USP48: variants seen among roughly 807,000 people sequenced by gnomAD.
USP48 encodes ubiquitin carboxyl-terminal hydrolase 48.
USP48 carries 43 observed loss-of-function variants against 150.7 expected under a neutral mutation model. The ratio of observed to expected loss-of-function variants is 0.29; its 90% CI spans 0.22 to 0.37. USP48 has a LOEUF of 0.37. Ranked by LOEUF, USP48 falls within the 10% of genes least tolerant of loss-of-function variation. USP48 has a pLI of 1.00. For missense variants in USP48, 813 were observed against 1,249.6 expected (o/e 0.65, Z 5.27); for synonymous variants, 396 against 425.9 (o/e 0.93, Z 0.86).
intron 14 of USP48, 101 bp downstream of exon 14, chr1:21,720,935 C>T: frequency 4.0e-6 from 6 of 1,492,986 alleles, no homozygotes; most frequent in Non-Finnish European, 5.5e-6. Flanking sequence ...GTCTGAGCCT[C>T]CCAAGTAGCT....
rs1350970700 is a variant in USP48 at position 21,678,699 on chromosome 1, C to G, written c.*718G>C. Reference sequence around the variant, plus strand: ...TGCTTTCACACATAATAAATGTTCTCCATCCTTTCTGAAATGCACCAAAGC... The same window carrying G: ...TGCTTTCACACATAATAAATGTTCTGCATCCTTTCTGAAATGCACCAAAGC... On this transcript the variant is annotated 3_prime_UTR_variant, in exon 27 of 27. Transcript: ENST00000308271. 6.6e-6 allele frequency: 1 copy of G among 152,224 alleles called. No homozygotes were observed. The highest frequency in any genetic ancestry group is 1.5e-5 in the Non-Finnish European group (1 of 68,070). The allele number at this position is 152,224 out of a possible 1,614,324, so 9.4% of individuals were successfully genotyped here.
chr1:21,726,265 C>G (rs2097736908), intron 11 of USP48, among the ~76,000 whole-genome samples: 1 of 152,202 alleles, frequency 6.6e-6, no homozygotes. Flanking sequence ...CCTAGGGTGA[C>G]TGTGGCCCTG....
chr1:21,679,501 C>T, intron 26 of USP48, 62 bp from the exon 27 acceptor site: 1 of 1,588,876 alleles, frequency 6.3e-7, no homozygotes, highest in Non-Finnish European at 8.6e-7. Flanking sequence ...TTCATGGATT[C>T]CATTTACCAA....
Position 21,679,409 on chromosome 1 carries a change from T to G in USP48, c.*8A>C. 9.9e-6 allele frequency: 16 copies of G among 1,614,128 alleles called. No homozygotes were observed. Among genetic ancestry groups the G allele is most frequent in the Non-Finnish European group, 1.4e-5 (16 of 1,180,022 alleles). On this transcript the variant is annotated 3_prime_UTR_variant, in exon 27 of 27. Coordinates refer to ENST00000308271, the MANE Select transcript of USP48 (RefSeq NM_032236.8). ...GTCATTTCTTAGCAGTCAGCAAGTATTCAAAGATTAATGTCCAAGAAGACC... is the reference window on the plus strand; with the variant it reads ...GTCATTTCTTAGCAGTCAGCAAGTAGTCAAAGATTAATGTCCAAGAAGACC...
intron 22 of USP48, among the ~76,000 whole-genome samples, chr1:21,697,897 C>A (rs1414795390): frequency 6.6e-6 from 1 of 151,956 alleles, no homozygotes; most frequent in Non-Finnish European, 1.5e-5. Context: ...GAATTTAAAT[C>A]CAACTTAACT....
intron 14 of USP48, 137 bp from the exon 15 acceptor site, chr1:21,715,594 C>T (rs945452874): frequency 6.6e-6 from 3 of 456,858 alleles, no homozygotes; most frequent in East Asian, 3.6e-5. Flanking sequence ...GTGATTCCTA[C>T]ACAGTTCTGC....
At chr1:21,737,573 C>T (rs1429957447) in intron 8 of USP48, among the ~76,000 whole-genome samples, 1 of 152,170 alleles carries the variant, frequency 6.6e-6, no homozygotes, top group African/African-American at 2.4e-5. Context: ...TAAAGATCCT[C>T]AACTTAAAGC....
intron 10 of USP48, among the ~76,000 whole-genome samples, chr1:21,729,252 A>T (rs1328217940): frequency 6.6e-6 from 1 of 151,392 alleles, no homozygotes; most frequent in Non-Finnish European, 1.5e-5. Context: ...ACTGCACTCC[A>T]GCCTGGGCGA....
intron 22 of USP48, among the ~76,000 whole-genome samples, chr1:21,699,886 G>T (rs983389002): frequency 6.6e-6 from 1 of 151,272 alleles, no homozygotes; most frequent in Non-Finnish European, 1.5e-5. Flanking sequence ...AATGTGGCTC[G>T]AAAGATGGCT....
intron 25 of USP48, among the ~76,000 whole-genome samples, chr1:21,684,244 C>T (rs1248538249): frequency 6.6e-6 from 1 of 152,144 alleles, no homozygotes; most frequent in African/African-American, 2.4e-5. Flanking sequence ...ATTTACATTC[C>T]CACCAAAAGT....
intron 1 of USP48, among the ~76,000 whole-genome samples, chr1:21,773,249 G>A (rs762045758): frequency 5.1e-5 from 7 of 136,750 alleles, no homozygotes; most frequent in South Asian, 4.5e-4. Flanking sequence ...ACTGAGACTC[G>A]GTCTCAAAAA....
chr1:21,683,634 C>T (rs988037268), intron 25 of USP48, among the ~76,000 whole-genome samples: 3 of 152,186 alleles, frequency 2.0e-5, no homozygotes, highest in East Asian at 1.9e-4. Flanking sequence ...TGATCCACTG[C>T]GCCCGGCCTA....
intron 6 of USP48, among the ~76,000 whole-genome samples, chr1:21,750,684 C>T (rs1359625043): frequency 3.3e-5 from 5 of 151,928 alleles, no homozygotes; most frequent in African/African-American, 1.2e-4. Flanking sequence ...ACCAGCCTGA[C>T]CGACATGGTA....
intron 13 of USP48, among the ~76,000 whole-genome samples, 192 bp from the exon 14 acceptor site, chr1:21,721,358 T>C (rs1268056499): frequency 6.6e-6 from 1 of 152,242 alleles, no homozygotes; most frequent in African/African-American, 2.4e-5. Context: ...GGATCTAATA[T>C]TTTGTTTCCA....
chr1:21,768,754 C>G (rs181321931), intron 1 of USP48, among the ~76,000 whole-genome samples: 1 of 151,572 alleles, frequency 6.6e-6, no homozygotes, highest in East Asian at 1.9e-4. Context: ...ATACCCACCA[C>G]CCGTGTAGGC....
chr1:21,742,680 C>T (rs1466192927), intron 8 of USP48, among the ~76,000 whole-genome samples: 2 of 152,066 alleles, frequency 1.3e-5, no homozygotes, highest in Non-Finnish European at 2.9e-5. Context: ...CTTAGATTGC[C>T]CATACCAGGT....
In USP48 at chr1:21,747,059, A is replaced by C. The variant is rs1258706141; in HGVS notation, c.991+8T>G. On this transcript the variant is annotated splice_region_variant and intron_variant, in intron 8 of 26. Coordinates refer to ENST00000308271, the MANE Select transcript of USP48 (RefSeq NM_032236.8). ...ATTATAATGTTTACTCCTCAGTAAA[A>C]ATATTACCTTTATGTTCCACATAAG... 1 of 1,595,470 alleles carries C rather than the reference A, an allele frequency of 6.3e-7. No individual in the cohort carries two copies. Among genetic ancestry groups the C allele is most frequent in the East Asian group, 2.2e-5 (1 of 44,454 alleles).
At chr1:21,744,514 G>A (rs572151884) in intron 8 of USP48, among the ~76,000 whole-genome samples, 2 of 150,958 alleles carry the variant, frequency 1.3e-5, no homozygotes, top group South Asian at 2.1e-4. Flanking sequence ...GGTGGGTCAC[G>A]CCTGTAATTC....
At chr1:21,768,727 T>A (rs540514364) in intron 1 of USP48, among the ~76,000 whole-genome samples, 2 of 135,248 alleles carry the variant, frequency 1.5e-5, no homozygotes, top group East Asian at 5.0e-4. Context: ...ATGGCTCCCA[T>A]ACACCCTAAG....
Sources: allele counts gnomAD v4.1 joint callset (sites outside exome capture counted in the v4.1 genomes callset), GRCh38; gene constraint gnomAD v4.1.1; transcripts MANE v1.5; gene names NCBI Gene and HGNC (gene_info 2026-07-23, HGNC 2026-07-21).